The following C8B variants were observed in gnomAD, a reference collection of about 807,000 sequenced individuals.
The protein encoded by C8B is complement component C8 beta chain.
In C8B, 67 loss-of-function variants were observed where a neutral mutation model predicts 64.6. The observed-to-expected ratio is 1.04, with a 90% confidence interval of 0.85 to 1.27. C8B has a LOEUF of 1.27. Among genes scored for constraint, C8B ranks in the 50% most tolerant of loss-of-function variants. The probability of loss-of-function intolerance (pLI) is 0.00; values close to 1 mark genes in which losing one functional copy is unlikely to be tolerated. For missense variants in C8B, 790 were observed against 725.2 expected, an observed-to-expected ratio of 1.09 and a Z score of -1.03; for synonymous variants, 284 against 257.7, an observed-to-expected ratio of 1.10 and a Z score of -0.98.
intron 7 of C8B, among the ~76,000 whole-genome samples, chr1:56,945,586 G>A (rs879547028): frequency 6.6e-6 from 1 of 152,144 alleles, no homozygotes; most frequent in Non-Finnish European, 1.5e-5. Flanking sequence ...CATGCTGAAG[G>A]TATTTAGAAC....
intron 9 of C8B, among the ~76,000 whole-genome samples, chr1:56,939,118 G>T (rs1644814433): frequency 6.6e-6 from 1 of 152,178 alleles, no homozygotes; most frequent in African/African-American, 2.4e-5. Context: ...AGTGACCAGG[G>T]AATTCATTTG....
rs762100174 is a variant in C8B, at chr1:56,960,014, G to T, written c.249+6C>A. ...GCTTAGAGCTGTCCCAGGCCTGGTT[G>T]CTTACCCTTTTCTTCTGACAGGGGT... On this transcript the variant is annotated splice_donor_region_variant and intron_variant, in intron 2 of 11. Coordinates refer to ENST00000371237, the MANE Select transcript of C8B (RefSeq NM_000066.4). 1.5e-5 allele frequency: 24 copies of T among 1,614,162 alleles called. No individual in the cohort carries two copies. The South Asian group carries it at 2.2e-4, about 15-fold the overall frequency.
At chr1:56,933,651 C>G (rs114556689) in intron 9 of C8B, among the ~76,000 whole-genome samples, 163 bp from the exon 10 acceptor site, 1 of 152,138 alleles carries the variant, frequency 6.6e-6, no homozygotes, top group South Asian at 2.1e-4. Flanking sequence ...TCCCCTTACC[C>G]GATATACACA....
At chr1:56,954,637 A>G in intron 4 of C8B, 49 bp downstream of exon 4, 4 of 1,612,018 alleles carry the variant, frequency 2.5e-6, no homozygotes, top group Non-Finnish European at 3.4e-6. Context: ...CCAGAATTCC[A>G]TTTAATGCTG....
intron 9 of C8B, among the ~76,000 whole-genome samples, chr1:56,934,164 C>CTTT (rs60467453): frequency 8.4e-5 from 12 of 143,320 alleles, no homozygotes; most frequent in South Asian, 2.2e-4. Flanking sequence ...GTGCAGGGTC[C>CTTT]TTTTTTTTTT....
intron 6 of C8B, 101 bp from the exon 7 acceptor site, chr1:56,946,162 G>A: frequency 7.3e-7 from 1 of 1,368,414 alleles, no homozygotes; most frequent in South Asian, 1.2e-5. Context: ...TTGGCCTGGG[G>A]TCATCACTCT....
At chr1:56,942,048 A>G (rs1191458134) in intron 8 of C8B, among the ~76,000 whole-genome samples, 2 of 152,256 alleles carry the variant, frequency 1.3e-5, no homozygotes, top group Non-Finnish European at 2.9e-5. Flanking sequence ...ACTAATAATT[A>G]TTGATTATTT....
intron 2 of C8B, among the ~76,000 whole-genome samples, chr1:56,958,892 C>A (rs543078584): frequency 1.1e-4 from 16 of 152,350 alleles, no homozygotes; most frequent in African/African-American, 3.8e-4. Context: ...AAGCCCATGG[C>A]TGGTTTGGTT....
rs1405144173 is a variant in C8B at position 56,952,233 on chromosome 1, T to C, written c.534-53A>G. The C allele has an allele frequency of 3.8e-5, 61 of 1,610,444 alleles. 1 individual carries two copies. Among genetic ancestry groups the C allele is most frequent in the Non-Finnish European group, 3.1e-5 (37 of 1,179,538 alleles). On this transcript the variant is annotated intron_variant, in intron 4 of 11. Transcript: ENST00000371237. The stretch of plus-strand genomic sequence containing the variant: ...GAGGTTAAAGTTTGCGGTTGCTTAA[T>C]CTTGACTGTCAGACCCTACTGAACG...
chr1:56,962,488 A>G (rs945498916), intron 1 of C8B, among the ~76,000 whole-genome samples: 4 of 152,176 alleles, frequency 2.6e-5, no homozygotes, highest in African/African-American at 9.7e-5. Context: ...TTTCACCCCT[A>G]TGGATTTCTA....
intron 9 of C8B, among the ~76,000 whole-genome samples, chr1:56,940,058 A>G (rs959976012): frequency 1.3e-5 from 2 of 151,932 alleles, no homozygotes; most frequent in Admixed American, 6.6e-5. Context: ...CGTAGACTGT[A>G]TGTTTTATCC....
At chr1:56,963,922 C>T (rs779544160) in intron 1 of C8B, 1 of 985,306 alleles carries the variant, frequency 1.0e-6, no homozygotes, top group Non-Finnish European at 1.2e-6. Context: ...TTGGCCAATA[C>T]GAAGGTGGTC....
intron 2 of C8B, among the ~76,000 whole-genome samples, chr1:56,959,224 A>G (rs1645143037): frequency 6.6e-6 from 1 of 152,248 alleles, no homozygotes; most frequent in South Asian, 2.1e-4. Flanking sequence ...AAGATCAAAC[A>G]CCACATATTT....
intron 2 of C8B, among the ~76,000 whole-genome samples, chr1:56,958,726 T>G (rs748208857): frequency 8.7e-4 from 132 of 152,278 alleles, no homozygotes; most frequent in Non-Finnish European, 1.4e-3. Flanking sequence ...TAGTTTATGG[T>G]GCAGATGAAG....
intron 9 of C8B, among the ~76,000 whole-genome samples, chr1:56,934,214 A>G (rs939333658): frequency 1.3e-5 from 2 of 149,008 alleles, no homozygotes; most frequent in Admixed American, 6.7e-5. Flanking sequence ...AGATCAGGGC[A>G]ATGTCTCAGC....
rs866880466 is a variant in C8B at position 56,954,726 on chromosome 1, C to A, written c.493G>T (p.Glu165Ter). The A allele has an allele frequency of 2.5e-6, 4 of 1,614,076 alleles. No individual in the cohort carries two copies. The Admixed American group carries it at 6.7e-5, about 27-fold the overall frequency. The change falls in exon 4 of 12, where the codon GAA (glutamate) becomes TAA (stop). Residue 165 changes from glutamate to a stop codon, truncating the protein, a stop_gained. Transcript: ENST00000371237. LOFTEE classifies it high-confidence loss of function. ...CCAATTCCCCAGTATTGGTCCATTT[C>A]ATGCTGACATTTTTTATAAATCCTT... The part of the protein sequence containing the change: ...CRRIYKKCQH[E>*]MDQYWGIGSL...
intron 3 of C8B, among the ~76,000 whole-genome samples, chr1:56,956,336 C>T (rs1645103450): frequency 6.6e-6 from 1 of 152,162 alleles, no homozygotes; most frequent in Non-Finnish European, 1.5e-5. Flanking sequence ...CACATCACCC[C>T]TAATTTTCAG....
intron 1 of C8B, among the ~76,000 whole-genome samples, chr1:56,963,499 C>T (rs2405241): frequency 0.21 from 30,362 of 146,924 alleles, 3,255 homozygotes; most frequent in Non-Finnish European, 0.24. Flanking sequence ...TTTAAAGCAA[C>T]ATCTCAAGGC....
intron 11 of C8B, 106 bp from the exon 12 acceptor site, chr1:56,929,664 C>A (rs1452581700): frequency 1.2e-5 from 12 of 1,036,440 alleles, no homozygotes; most frequent in Admixed American, 1.8e-5. Flanking sequence ...GAGTCTGAAT[C>A]TCTGAGCTCC....
Sources: allele counts gnomAD v4.1 joint callset (sites outside exome capture counted in the v4.1 genomes callset), GRCh38; gene constraint gnomAD v4.1.1; transcripts MANE v1.5; gene names NCBI Gene and HGNC (gene_info 2026-07-23, HGNC 2026-07-21).